Variants in ZDHHC19 observed in about 807,000 individuals in gnomAD.
ZDHHC19 encodes palmitoyltransferase ZDHHC19.
ZDHHC19 carries 30 observed loss-of-function variants against 33.9 expected under a neutral mutation model. The observed-to-expected ratio is 0.88, with a 90% CI of 0.66 to 1.20. The LOEUF (loss-of-function observed/expected upper bound fraction) is 1.20. Ranked by LOEUF, ZDHHC19 falls within the 50% of genes most tolerant of loss-of-function variation. ZDHHC19 has a pLI of 0.00. For missense variants in ZDHHC19, 364 were observed against 401.1 expected, an observed-to-expected ratio of 0.91 and a Z score of 0.79; for synonymous variants, 178 against 167.6, an observed-to-expected ratio of 1.06 and a Z score of -0.48.
At chr3:196,198,607 G>C (rs1180329518) in intron 6 of ZDHHC19, 156 bp from the exon 7 acceptor site, 2 of 1,547,606 alleles carry the variant, frequency 1.3e-6, no homozygotes, top group African/African-American at 2.7e-5. Flanking sequence ...GCCATAGTGG[G>C]GCAGGAACAC....
At chr3:196,201,319 G>C (rs1351112648) in intron 5 of ZDHHC19, among the ~76,000 whole-genome samples, 1 of 151,510 alleles carries the variant, frequency 6.6e-6, no homozygotes, top group Non-Finnish European at 1.5e-5. Context: ...GCCCACCTCG[G>C]CCTCCCAAAG....
At chr3:196,201,710 G>C (rs1722367167) in intron 5 of ZDHHC19, among the ~76,000 whole-genome samples, 1 of 151,944 alleles carries the variant, frequency 6.6e-6, no homozygotes, top group African/African-American at 2.4e-5. Flanking sequence ...GACAGAGTGA[G>C]ACTCTGTCTC....
intron 6 of ZDHHC19, 154 bp from the exon 7 acceptor site, chr3:196,198,605 G>A (rs1435078260): frequency 6.5e-7 from 1 of 1,547,776 alleles, no homozygotes; most frequent in Admixed American, 2.0e-5. Context: ...ATGCCATAGT[G>A]GGGCAGGAAC....
chr3:196,201,880 C>A (rs1722378398), intron 5 of ZDHHC19, among the ~76,000 whole-genome samples: 1 of 152,166 alleles, frequency 6.6e-6, no homozygotes, highest in Non-Finnish European at 1.5e-5. Flanking sequence ...CTCCGTCTCC[C>A]ACCCAACCCC....
chr3:196,211,229 G>C lies in ZDHHC19; in HGVS notation c.87C>G (p.Leu29=), dbSNP rs777831446. The C allele has an allele frequency of 6.2e-7, 1 of 1,614,174 alleles. No homozygotes were observed. The highest frequency in any genetic ancestry group is 1.1e-5 in the South Asian group (1 of 91,084). The change falls in exon 1 of 8, where the codon CTC becomes CTG. Residue 29 remains leucine (L), a synonymous_variant. Coordinates refer to ENST00000296326, the MANE Select transcript of ZDHHC19 (RefSeq NM_001039617.2). ...LVPRPWFLPS[L]FAAFNVVLLV... ...GCAGCACCACATTGAAGGCAGCAAA[G>C]AGGCTAGGGAGGAACCAGGGACGTG... is the stretch of plus-strand genomic sequence containing the variant.
chr3:196,210,541 G>A, intron 2 of ZDHHC19, 75 bp downstream of exon 2: 1 of 1,600,156 alleles, frequency 6.2e-7, no homozygotes, highest in Non-Finnish European at 8.5e-7. Flanking sequence ...AGTAGGAAGA[G>A]CACTTTAGGA....
At chr3:196,208,310 C>T in intron 4 of ZDHHC19, 78 bp downstream of exon 4, 3 of 1,403,492 alleles carry the variant, frequency 2.1e-6, no homozygotes, top group Non-Finnish European at 2.9e-6. Context: ...TCTAGCCCCG[C>T]CCCCATAGCC....
intron 4 of ZDHHC19, among the ~76,000 whole-genome samples, chr3:196,208,103 GT>G (rs1378600623): frequency 2.0e-5 from 3 of 151,880 alleles, no homozygotes; most frequent in East Asian, 3.9e-4. Context: ...CGGGGTCTAT[GT>G]TGCCCAGGCT....
intron 5 of ZDHHC19, among the ~76,000 whole-genome samples, chr3:196,205,068 T>G (rs1196164485): frequency 6.6e-6 from 1 of 152,162 alleles, no homozygotes; most frequent in Non-Finnish European, 1.5e-5. Context: ...ATCGAGCCAC[T>G]GCACTCCATC....
chr3:196,200,365 T>A (rs1396673797), intron 5 of ZDHHC19, among the ~76,000 whole-genome samples: 1 of 143,610 alleles, frequency 7.0e-6, no homozygotes, highest in Non-Finnish European at 1.5e-5. Flanking sequence ...TATAATTTTT[T>A]TTTTTTTGAG....
rs1223661627 is a variant in ZDHHC19 at position 196,203,430 on chromosome 3, C to G, written c.687+3968G>C. On this transcript the variant is annotated intron_variant, in intron 5 of 7. Coordinates refer to ENST00000296326, the MANE Select transcript of ZDHHC19 (RefSeq NM_001039617.2). The surrounding 1 kb of genome is among the most constrained non-coding windows in gnomAD (Gnocchi z 4.3). ...GGTGGCTAAGTAATATACCCAGGAT[C>G]TCTCTGCTGGTATGCTGTGGAGCTG... Among the ~76,000 whole-genome samples, 1 of 152,210 alleles carries G rather than the reference C, an allele frequency of 6.6e-6. No homozygotes were observed. Among genetic ancestry groups the G allele is most frequent in the Non-Finnish European group, 1.5e-5 (1 of 68,048 alleles).
chr3:196,211,202 C>T lies in ZDHHC19; in HGVS notation c.114G>A (p.Leu38=). Residue 38 remains leucine, a synonymous_variant, in exon 1 of 8, where the codon CTG becomes CTA. Coordinates refer to ENST00000296326, the MANE Select transcript of ZDHHC19 (RefSeq NM_001039617.2). ...SLFAAFNVVL[L]VFFSGLFFAF... ...CGAAGAAGAGGCCACTGAAAAAGAC[C>T]AGCAGCACCACATTGAAGGCAGCAA... The T allele has an allele frequency of 1.2e-6, 2 of 1,614,184 alleles. No individual in the cohort carries two copies. The highest frequency in any genetic ancestry group is 2.2e-5 in the South Asian group (2 of 91,078).
At chr3:196,210,968 G>C (rs746558283) in intron 1 of ZDHHC19, among the ~76,000 whole-genome samples, 1 of 151,718 alleles carries the variant, frequency 6.6e-6, no homozygotes, top group Non-Finnish European at 1.5e-5. Context: ...TTTGCACGTC[G>C]GTTCCTGGAA....
At chr3:196,201,093 G>A (rs1296319301) in intron 5 of ZDHHC19, among the ~76,000 whole-genome samples, 1 of 150,884 alleles carries the variant, frequency 6.6e-6, no homozygotes, top group Non-Finnish European at 1.5e-5. Flanking sequence ...TTTTTTTTGA[G>A]ACGGAGTCTC....
At chr3:196,200,604 T>C (rs1722251977) in intron 5 of ZDHHC19, among the ~76,000 whole-genome samples, 1 of 150,324 alleles carries the variant, frequency 6.7e-6, no homozygotes, top group African/African-American at 2.5e-5. Flanking sequence ...TCCGCCCACC[T>C]TGGCCTCCCA....
At chr3:196,204,042 G>C (rs1055368119) in intron 5 of ZDHHC19, among the ~76,000 whole-genome samples, 3 of 152,142 alleles carry the variant, frequency 2.0e-5, no homozygotes, top group Non-Finnish European at 4.4e-5. Context: ...CATTGTGCTA[G>C]AGGTCCAAGA....
intron 2 of ZDHHC19, among the ~76,000 whole-genome samples, chr3:196,210,146 G>A (rs1422508587): frequency 1.3e-5 from 2 of 151,614 alleles, no homozygotes; most frequent in African/African-American, 2.4e-5. Context: ...AGCGGAGATT[G>A]CGCCACTGCA....
In ZDHHC19 at chr3:196,198,297, A is replaced by G; in HGVS notation, c.928T>C (p.Ter310ArgextTer55). The G allele has an allele frequency of 6.7e-7, 1 of 1,501,996 alleles. No individual in the cohort carries two copies. 93.0% of individuals were successfully genotyped at this position (1,501,996 alleles called of 1,614,324 possible). ...QSREGTPGAW* is the reference protein window; with the variant it reads ...QSREGTPGAWR Reference sequence around the variant, plus strand: ...TTACCTCCTGGAGAGCTGCAGCCTCACCACGCCCCGGGGGTCCCTTCCCTG... The same window carrying G: ...TTACCTCCTGGAGAGCTGCAGCCTCGCCACGCCCCGGGGGTCCCTTCCCTG... The change falls in exon 7 of 8, where the codon TGA becomes CGA. Residue 310 changes from the stop codon to arginine, a stop_lost. Transcript: ENST00000296326.
chr3:196,208,626 A>G (rs1412320276), intron 3 of ZDHHC19, 66 bp from the exon 4 acceptor site: 1 of 1,551,916 alleles, frequency 6.4e-7, no homozygotes, highest in Non-Finnish European at 8.7e-7. Context: ...ATCACCCCAA[A>G]TCCTGAGGCC....
Sources: allele counts gnomAD v4.1 joint callset (sites outside exome capture counted in the v4.1 genomes callset), GRCh38; gene constraint gnomAD v4.1.1; non-coding constraint Gnocchi (gnomAD v3.1); transcripts MANE v1.5; gene names NCBI Gene and HGNC (gene_info 2026-07-23, HGNC 2026-07-21).